Variants in PHC3 observed in about 807,000 individuals in gnomAD.
PHC3 encodes the protein polyhomeotic-like protein 3.
PHC3 carries 13 observed loss-of-function variants against 107.4 expected under a neutral mutation model. The observed-to-expected ratio is 0.12, with a 90% confidence interval of 0.08 to 0.19. The LOEUF is 0.19. Among genes scored for constraint, PHC3 ranks in the 10% least tolerant of loss-of-function variants. PHC3 has a pLI of 1.00. For synonymous variants in PHC3, 456 were observed against 427.4 expected (o/e 1.07, Z -0.83); for missense variants, 992 against 1,210.9 (o/e 0.82, Z 2.68).
intron 4 of PHC3, among the ~76,000 whole-genome samples, chr3:170,159,188 C>G (rs183227510): frequency 4.9e-4 from 69 of 141,632 alleles, no homozygotes; most frequent in African/African-American, 1.7e-3. Context: ...GGAGGCGGAG[C>G]TTGCAGTGAG....
chr3:170,151,029 G>C (rs1725870385), intron 4 of PHC3, among the ~76,000 whole-genome samples: 1 of 152,114 alleles, frequency 6.6e-6, no homozygotes, highest in South Asian at 2.1e-4. Flanking sequence ...TGACCAACAT[G>C]GTGAAATCCC....
In PHC3 at chr3:170,112,085, G is replaced by A. The variant is rs145337986; in HGVS notation, c.2353+1275C>T. On this transcript the variant is annotated intron_variant, in intron 11 of 14. Coordinates refer to ENST00000495893, the MANE Select transcript of PHC3 (RefSeq NM_024947.4). ...TAGAACACGGCAATTCAGAATCTCA[G>A]CCCAAAAAACAGTAAAAACTTTGCT... is the stretch of plus-strand genomic sequence containing the variant. Among the ~76,000 whole-genome samples the A allele has an allele frequency of 5.2e-3, 784 of 152,190 alleles. 1 individual carries two copies. Among genetic ancestry groups the A allele is most frequent in the Non-Finnish European group, 8.9e-3 (608 of 68,002 alleles).
intron 10 of PHC3, 58 bp from the exon 11 acceptor site, chr3:170,113,577 C>T (rs1718258155): frequency 6.7e-7 from 1 of 1,500,910 alleles, no homozygotes; most frequent in African/African-American, 1.4e-5. Flanking sequence ...TTCAGAAATA[C>T]TTTGGTTTAA....
intron 7 of PHC3, among the ~76,000 whole-genome samples, chr3:170,135,585 C>T (rs1722947445): frequency 6.6e-6 from 1 of 150,706 alleles, no homozygotes; most frequent in Admixed American, 6.6e-5. Flanking sequence ...ATAAGGGAGA[C>T]CTAATTATGG....
chr3:170,170,177 C>A (rs1454893581), intron 4 of PHC3: 1 of 151,992 alleles, frequency 6.6e-6, no homozygotes, highest in African/African-American at 2.4e-5. Flanking sequence ...AATTCCTTAA[C>A]CTTCAATTCC....
chr3:170,145,574 C>A (rs1724804131), intron 5 of PHC3, 53 bp from the exon 6 acceptor site: 1 of 1,314,796 alleles, frequency 7.6e-7, no homozygotes, highest in South Asian at 1.3e-5. Flanking sequence ...ACATGTCCCA[C>A]ACACAATGTG....
intron 2 of PHC3, among the ~76,000 whole-genome samples, chr3:170,177,151 T>C (rs1385830100): frequency 1.3e-5 from 2 of 152,202 alleles, no homozygotes; most frequent in African/African-American, 4.8e-5. Context: ...CACCTGGGTT[T>C]AATATAAACT....
At chr3:170,178,547 T>C (rs1462191272) in intron 2 of PHC3, among the ~76,000 whole-genome samples, 1 of 152,214 alleles carries the variant, frequency 6.6e-6, no homozygotes, top group Non-Finnish European at 1.5e-5. Context: ...TCCTTCATAT[T>C]AGACTTCCCA....
At chr3:170,162,469 T>C (rs1179876360) in intron 4 of PHC3, among the ~76,000 whole-genome samples, 2 of 152,216 alleles carry the variant, frequency 1.3e-5, no homozygotes, top group Non-Finnish European at 2.9e-5. Flanking sequence ...ACATCTTTTA[T>C]TCAGTGCATC....
rs1714241025 is a variant in PHC3, at chr3:170,092,803, A to C, written c.*4427T>G. The C allele has an allele frequency of 6.6e-6, 1 of 152,172 alleles. No homozygotes were observed. Among genetic ancestry groups the C allele is most frequent in the South Asian group, 2.1e-4 (1 of 4,836 alleles). The allele number at this position is 152,172 out of a possible 1,614,324, so 9.4% of individuals were successfully genotyped here. On this transcript the variant is annotated 3_prime_UTR_variant, in exon 15 of 15. Coordinates refer to ENST00000495893, the MANE Select transcript of PHC3 (RefSeq NM_024947.4). Reference sequence around the variant, plus strand: ...ATCAAAAATCACTAACTTCTACATCACTGGAACTATTAATATCCATGCTCC... The same window carrying C: ...ATCAAAAATCACTAACTTCTACATCCCTGGAACTATTAATATCCATGCTCC...
intron 7 of PHC3, among the ~76,000 whole-genome samples, chr3:170,129,814 C>T (rs899958587): frequency 1.3e-5 from 2 of 152,096 alleles, no homozygotes; most frequent in African/African-American, 4.8e-5. Flanking sequence ...ATTCTCCTGT[C>T]TCTGCCTCCG....
chr3:170,166,519 AT>A (rs144685041), intron 4 of PHC3, among the ~76,000 whole-genome samples: 385 of 152,202 alleles, frequency 2.5e-3, no homozygotes, highest in African/African-American at 7.9e-3. Context: ...ATTAACTATC[AT>A]TTTTTTAACT....
At chr3:170,131,112 G>A (rs1161963084) in intron 7 of PHC3, among the ~76,000 whole-genome samples, 4 of 145,280 alleles carry the variant, frequency 2.8e-5, no homozygotes, top group Non-Finnish European at 4.5e-5. Flanking sequence ...AAAAAGAGGC[G>A]TTTGGAAAGT....
intron 10 of PHC3, among the ~76,000 whole-genome samples, chr3:170,116,244 C>T (rs757216361): frequency 3.3e-4 from 50 of 152,228 alleles, no homozygotes; most frequent in Middle Eastern, 3.4e-3. Context: ...TGGGTAGCTT[C>T]AGATGTAACT....
At chr3:170,117,572 T>C in intron 9 of PHC3, 96 bp from the exon 10 acceptor site, 6 of 1,246,762 alleles carry the variant, frequency 4.8e-6, no homozygotes, top group East Asian at 2.5e-5. Flanking sequence ...CAACAGTTAA[T>C]ATCTGGTACT....
intron 8 of PHC3, among the ~76,000 whole-genome samples, chr3:170,124,262 A>G (rs1720914646): frequency 6.6e-6 from 1 of 152,228 alleles, no homozygotes; most frequent in Non-Finnish European, 1.5e-5. Context: ...ATGAAAAATG[A>G]TTACTAAAAA....
rs990409351 is a variant in PHC3, at chr3:170,151,992, T to A, written c.415-2748A>T. On this transcript the variant is annotated intron_variant, in intron 4 of 14. Transcript: ENST00000495893. ...TATAGGAATTTAATTTATAATTATT[T>A]TAAAATAAAAAAGTTTAAAAAACTG... Among the ~76,000 whole-genome samples, 10 of 152,114 alleles carry A rather than the reference T, an allele frequency of 6.6e-5. 1 individual carries two copies. The highest frequency in any genetic ancestry group is 6.5e-4 in the Admixed American group (10 of 15,270).
At position 170,117,315 on chromosome 3, in the gene PHC3, T is replaced by C. The variant is rs1719209209; in HGVS notation, c.2104A>G (p.Asn702Asp). The C allele has an allele frequency of 6.2e-7, 1 of 1,613,956 alleles. No individual in the cohort carries two copies. The highest frequency in any genetic ancestry group is 8.5e-7 in the Non-Finnish European group (1 of 1,179,862). Reference protein sequence around the residue: ...SMHSSIPSIENKPPQAIVKPQ... With the variant: ...SMHSSIPSIEDKPPQAIVKPQ... ...TTAACAATAGCCTGTGGAGGTTTGTTCTCTATACTGGGAATGCTACTGTGC... is the reference window on the plus strand; with the variant it reads ...TTAACAATAGCCTGTGGAGGTTTGTCCTCTATACTGGGAATGCTACTGTGC... Residue 702 changes from asparagine (N) to aspartate (D), a missense_variant, in exon 10 of 15, where the codon AAC becomes GAC. By Grantham distance (23) the Asn-to-Asp change is conservative. Transcript: ENST00000495893.
chr3:170,117,070 T>C (rs1039822302), intron 10 of PHC3, 156 bp downstream of exon 10: 6 of 962,536 alleles, frequency 6.2e-6, no homozygotes, highest in Non-Finnish European at 9.0e-6. Context: ...CATAAACATT[T>C]GGAAATAAAG....
Sources: gnomAD v4.1 joint callset for allele counts (sites outside exome capture counted in the v4.1 genomes callset) on GRCh38, gnomAD v4.1.1 for gene constraint, MANE v1.5 for transcripts, NCBI Gene and HGNC (gene_info 2026-07-23, HGNC 2026-07-21) for gene names.